Variants in FARS2 observed in about 807,000 individuals in gnomAD.
FARS2 encodes phenylalanine--tRNA ligase, mitochondrial.
In FARS2, 40 loss-of-function variants were observed where a neutral mutation model predicts 46.4. The observed-to-expected ratio is 0.86, with a 90% CI of 0.67 to 1.12. The LOEUF is 1.12. Among genes scored for constraint, FARS2 ranks in the 50% most tolerant of loss-of-function variants. The probability of loss-of-function intolerance (pLI) is 0.00; values close to 1 mark genes in which losing one functional copy is unlikely to be tolerated. For missense variants in FARS2, 513 were observed against 567.9 expected (o/e 0.90, Z 0.98); for synonymous variants, 234 against 214.9 (o/e 1.09, Z -0.78).
At chr6:5,639,988 T>A (rs571537381) in intron 6 of FARS2, among the ~76,000 whole-genome samples, 7 of 152,362 alleles carry the variant, frequency 4.6e-5, no homozygotes, top group Non-Finnish European at 1.0e-4. Flanking sequence ...GGAAAAACGT[T>A]TTTTTAACAT....
At chr6:5,698,767 AC>A (rs905794559) in intron 6 of FARS2, among the ~76,000 whole-genome samples, 21 of 152,178 alleles carry the variant, frequency 1.4e-4, no homozygotes, top group Non-Finnish European at 1.9e-4. Context: ...TGTTGCAGTA[AC>A]AAATCACCTG....
intron 5 of FARS2, among the ~76,000 whole-genome samples, chr6:5,545,926 G>A (rs369551435): frequency 2.0e-5 from 3 of 152,214 alleles, no homozygotes; most frequent in South Asian, 4.2e-4. Flanking sequence ...TCAAGAGTTC[G>A]AGACCAGCCT....
chr6:5,275,464 C>T (rs1766269852), intron 1 of FARS2, among the ~76,000 whole-genome samples: 1 of 152,076 alleles, frequency 6.6e-6, no homozygotes, highest in African/African-American at 2.4e-5. Flanking sequence ...TGAGTTCTCC[C>T]ACCAGAATGT....
At chr6:5,320,635 T>C (rs1561955354) in intron 1 of FARS2, among the ~76,000 whole-genome samples, 3 of 152,238 alleles carry the variant, frequency 2.0e-5, no homozygotes, top group African/African-American at 7.2e-5. Context: ...TAGAAAATAA[T>C]TGATGTATTT....
intron 3 of FARS2, among the ~76,000 whole-genome samples, chr6:5,421,968 C>T (rs1762574646): frequency 1.3e-5 from 2 of 152,206 alleles, no homozygotes; most frequent in Admixed American, 1.3e-4. Context: ...AGCAGCGCCC[C>T]ACTCTGCTGG....
chr6:5,355,290 T>C (rs911775082), intron 1 of FARS2, among the ~76,000 whole-genome samples: 3 of 152,022 alleles, frequency 2.0e-5, no homozygotes, highest in African/African-American at 7.2e-5. Context: ...CTTCTTTCTA[T>C]TTTCATATTT....
upstream of FARS2, among the ~76,000 whole-genome samples, chr6:5,258,508 T>C (rs1764786614): frequency 6.6e-6 from 1 of 152,242 alleles, no homozygotes; most frequent in Admixed American, 6.5e-5. Context: ...GGATGTTGTG[T>C]TGCTATTGAT....
intron 4 of FARS2, among the ~76,000 whole-genome samples, chr6:5,544,776 ATC>A (rs1256167063): frequency 3.3e-5 from 5 of 152,238 alleles, no homozygotes; most frequent in African/African-American, 1.2e-4. Flanking sequence ...TTTTGAATGT[ATC>A]TCATTATCTA....
At chr6:5,341,676 AC>A (rs1346638487) in intron 1 of FARS2, among the ~76,000 whole-genome samples, 1 of 151,304 alleles carries the variant, frequency 6.6e-6, no homozygotes, top group Non-Finnish European at 1.5e-5. Context: ...CCACCATCAC[AC>A]CCGGCTAATT....
At chr6:5,748,044 C>A (rs557862268) in intron 6 of FARS2, among the ~76,000 whole-genome samples, 23 of 152,130 alleles carry the variant, frequency 1.5e-4, no homozygotes, top group Non-Finnish European at 3.1e-4. Context: ...TGCTCAAAAT[C>A]TGCCTCCAAA....
intron 4 of FARS2, among the ~76,000 whole-genome samples, chr6:5,474,407 TAAC>T (rs1473031609): frequency 7.9e-5 from 12 of 152,188 alleles, no homozygotes; most frequent in African/African-American, 2.9e-4. Flanking sequence ...ATGCATCACT[TAAC>T]AACAGGGATG....
intron 1 of FARS2, among the ~76,000 whole-genome samples, chr6:5,313,258 G>C (rs1769215859): frequency 6.6e-6 from 1 of 152,204 alleles, no homozygotes. Context: ...TCTCTATGCA[G>C]ATCTCAGGTT....
In FARS2 at chr6:5,368,977, C is replaced by T. The variant is rs199863563; in HGVS notation, c.407C>T (p.Pro136Leu). 10 of 1,614,018 alleles carry T rather than the reference C, an allele frequency of 6.2e-6. No homozygotes were observed. The Admixed American group carries it at 8.3e-5, about 13-fold the overall frequency. The change falls in exon 2 of 7, where the codon CCC (proline) becomes CTC (leucine). Residue 136 changes from proline (P) to leucine (L), a missense_variant. Physicochemically the swap from Pro to Leu is moderately conservative, Grantham distance 98. Coordinates refer to ENST00000274680, the MANE Select transcript of FARS2 (RefSeq NM_006567.5). ...AGCCTGCTCATCCCAGCTGATCACC[C>T]CAGCAGGAAGAAGGGGGACAACTAT... Reference protein sequence around the residue: ...FDSLLIPADHPSRKKGDNYYL... With the variant: ...FDSLLIPADHLSRKKGDNYYL...
At chr6:5,298,396 A>G (rs1768049278) in intron 1 of FARS2, among the ~76,000 whole-genome samples, 1 of 152,168 alleles carries the variant, frequency 6.6e-6, no homozygotes, top group Admixed American at 6.5e-5. Context: ...GGTGGCTTGT[A>G]CAGTGCACCA....
At chr6:5,762,863 G>T (rs779411437) in intron 6 of FARS2, among the ~76,000 whole-genome samples, 16 of 152,152 alleles carry the variant, frequency 1.1e-4, no homozygotes, top group Non-Finnish European at 2.2e-4. Context: ...GCAGGGAGCG[G>T]CAACACTGGT....
intron 2 of FARS2, among the ~76,000 whole-genome samples, chr6:5,399,131 TTATTATTATTATTATTA>T (rs1761083548): frequency 5.7e-5 from 1 of 17,536 alleles, no homozygotes; most frequent in African/African-American, 2.0e-4. Context: ...TATTATTTTA[TTATTATTATTATTATTA>T]TTATTATTAT....
chr6:5,441,623 A>G (rs780054057), intron 4 of FARS2, among the ~76,000 whole-genome samples: 8 of 152,172 alleles, frequency 5.3e-5, no homozygotes, highest in Non-Finnish European at 1.2e-4. Context: ...TACTGGATGA[A>G]TGTTCCATAG....
intron 3 of FARS2, among the ~76,000 whole-genome samples, chr6:5,424,967 T>C (rs1398977397): frequency 6.6e-6 from 1 of 152,194 alleles, no homozygotes; most frequent in East Asian, 1.9e-4. Flanking sequence ...CCCAGCTCTT[T>C]AAGAATTTGT....
chr6:5,613,123 A>G (rs754940971), intron 5 of FARS2, 46 bp from the exon 6 acceptor site: 2 of 1,540,418 alleles, frequency 1.3e-6, no homozygotes, highest in Non-Finnish European at 1.8e-6. Context: ...AAATATTCTC[A>G]TTCAACTAAC....
Sources: allele counts gnomAD v4.1 joint callset (sites outside exome capture counted in the v4.1 genomes callset), GRCh38; gene constraint gnomAD v4.1.1; transcripts MANE v1.5; gene names NCBI Gene and HGNC (gene_info 2026-07-23, HGNC 2026-07-21).